The following CIROZ variants were observed in gnomAD, a reference collection of about 807,000 sequenced individuals.
CIROZ encodes ciliated left-right organizer ZP-N domains-containing protein.
At chr1:10,953,756 C>T in the CIROZ span, among the ~76,000 whole-genome samples, 1 of 152,144 alleles carries the variant, frequency 6.6e-6, no homozygotes, top group African/African-American at 2.4e-5. Context: ...GAAATGGATG[C>T]ACCCCCATCC....
At chr1:10,956,483 T>C in the CIROZ span, among the ~76,000 whole-genome samples, 7 of 151,460 alleles carry the variant, frequency 4.6e-5, no homozygotes, top group African/African-American at 1.7e-4. Flanking sequence ...TTTACTTTTT[T>C]TTTTTTTTTT....
At chr1:10,948,923 A>C in the CIROZ span, 31 of 1,350,950 alleles carry the variant, frequency 2.3e-5, no homozygotes, top group Middle Eastern at 1.9e-4. Context: ...GAGAATCTCA[A>C]CCCAAAGATG....
the CIROZ span, among the ~76,000 whole-genome samples, chr1:10,958,134 C>T: frequency 1.3e-5 from 2 of 152,246 alleles, no homozygotes; most frequent in East Asian, 3.9e-4. Flanking sequence ...GAATCAGGGT[C>T]TTGAATAAAG....
the CIROZ span, among the ~76,000 whole-genome samples, chr1:10,960,793 G>A: frequency 3.3e-5 from 5 of 152,202 alleles, no homozygotes; most frequent in African/African-American, 9.7e-5. This position sits in a 1 kb window ranked among gnomAD's most constrained non-coding sequence, Gnocchi z 4.6. Context: ...GGGCAAGGCC[G>A]GTGAAACGGC....
At chr1:10,970,064 TG>T in the CIROZ span, 8 of 1,534,486 alleles carry the variant, frequency 5.2e-6, no homozygotes, top group Non-Finnish European at 7.0e-6. Flanking sequence ...AGCACTCAAC[TG>T]TGTCTGTCCA....
At chr1:10,952,525 G>GT in the CIROZ span, among the ~76,000 whole-genome samples, 2 of 152,002 alleles carry the variant, frequency 1.3e-5, no homozygotes, top group Non-Finnish European at 2.9e-5. Context: ...TTTTGGTGTT[G>GT]TTTTTTGGTT....
At chr1:10,957,827 A>C in the CIROZ span, 1 of 1,490,830 alleles carries the variant, frequency 6.7e-7, no homozygotes, top group Non-Finnish European at 9.1e-7. Flanking sequence ...GAGAGGGGAC[A>C]CTTGAAGGGT....
the CIROZ span, chr1:10,957,454 T>G: frequency 2.9e-6 from 3 of 1,048,288 alleles, no homozygotes; most frequent in Admixed American, 5.8e-5. Flanking sequence ...AGCGGAGCGC[T>G]TTACGCTAAT....
chr1:10,947,155 G>A, the CIROZ span, among the ~76,000 whole-genome samples: 1 of 152,312 alleles, frequency 6.6e-6, no homozygotes. Flanking sequence ...GCTCAGAGAG[G>A]TGAGTGCCTT....
At chr1:10,961,344 C>G in the CIROZ span, among the ~76,000 whole-genome samples, 1 of 152,298 alleles carries the variant, frequency 6.6e-6, no homozygotes, top group African/African-American at 2.4e-5. Flanking sequence ...CGTGGCCACT[C>G]TGAGCCCTTA....
At chr1:10,969,314 G>A in the CIROZ span, among the ~76,000 whole-genome samples, 2 of 151,990 alleles carry the variant, frequency 1.3e-5, no homozygotes, top group African/African-American at 4.8e-5. Flanking sequence ...CCTCCAGAAG[G>A]TTCCAGAAGG....
chr1:10,957,676 G>A, the CIROZ span: 1 of 1,614,164 alleles, frequency 6.2e-7, no homozygotes, highest in Non-Finnish European at 8.5e-7. Context: ...TGGCATTCAT[G>A]TCCACATACA....
chr1:10,979,599 G>C, the CIROZ span, among the ~76,000 whole-genome samples: 2 of 152,064 alleles, frequency 1.3e-5, no homozygotes, highest in African/African-American at 2.4e-5. Flanking sequence ...CAACTGCAAG[G>C]CAAGCACAAG....
the CIROZ span, among the ~76,000 whole-genome samples, chr1:10,969,405 C>T: frequency 6.6e-6 from 1 of 152,178 alleles, no homozygotes; most frequent in Non-Finnish European, 1.5e-5. Context: ...CTGGAAGTGA[C>T]ACTATGCCCC....
the CIROZ span, among the ~76,000 whole-genome samples, chr1:10,960,241 A>G: frequency 1.3e-5 from 2 of 152,080 alleles, no homozygotes; most frequent in Non-Finnish European, 2.9e-5. This position sits in a 1 kb window ranked among gnomAD's most constrained non-coding sequence, Gnocchi z 4.6. Context: ...TACAAAAAAT[A>G]AAAAATAAAA....
chr1:10,970,136 G>T, the CIROZ span: 30 of 1,332,276 alleles, frequency 2.3e-5, no homozygotes, highest in Non-Finnish European at 3.0e-5. Flanking sequence ...AAGGGAGGGA[G>T]GAAGGAAGGA....
chr1:10,959,714 AG>A, the CIROZ span, among the ~76,000 whole-genome samples: 1 of 152,208 alleles, frequency 6.6e-6, no homozygotes, highest in Non-Finnish European at 1.5e-5. This position sits in a 1 kb window ranked among gnomAD's most constrained non-coding sequence, Gnocchi z 4.3. Flanking sequence ...AAGGGCTTCC[AG>A]AAGCAGAAAG....
chr1:10,953,561 G>A, the CIROZ span, among the ~76,000 whole-genome samples: 1 of 152,198 alleles, frequency 6.6e-6, no homozygotes, highest in Admixed American at 6.5e-5. Context: ...AGGAACTGGA[G>A]CCCACACAGA....
chr1:10,967,996 A>G, the CIROZ span, among the ~76,000 whole-genome samples: 1 of 151,752 alleles, frequency 6.6e-6, no homozygotes, highest in East Asian at 1.9e-4. Flanking sequence ...AAATACAAAT[A>G]AAAATACAAA....
Sources: gnomAD v4.1 joint callset for allele counts (sites outside exome capture counted in the v4.1 genomes callset) on GRCh38, gnomAD v4.1.1 for gene constraint, Gnocchi (gnomAD v3.1) non-coding constraint, MANE v1.5 for transcripts, NCBI Gene and HGNC (gene_info 2026-07-23, HGNC 2026-07-21) for gene names.